Variants in PACSIN1 observed in about 807,000 individuals in gnomAD.
PACSIN1 encodes the protein protein kinase C and casein kinase substrate in neurons 1, also known as protein kinase C and casein kinase substrate in neurons protein 1.
Under a neutral mutation model 59.5 loss-of-function variants are expected in PACSIN1, and 15 were observed. That is an observed-to-expected ratio of 0.25 (90% CI 0.17 to 0.39). The LOEUF (loss-of-function observed/expected upper bound fraction) is 0.39, where lower values mean the gene tolerates loss of function less well. Ranked by LOEUF, PACSIN1 falls within the 10% of genes least tolerant of loss-of-function variation. The pLI is 1.00. For synonymous variants in PACSIN1, 210 were observed against 220.6 expected, an observed-to-expected ratio of 0.95 and a Z score of 0.42; for missense variants, 420 against 580.2, an observed-to-expected ratio of 0.72 and a Z score of 2.84.
chr6:34,526,728 G>T (rs1057378748), intron 2 of PACSIN1, among the ~76,000 whole-genome samples: 2 of 152,172 alleles, frequency 1.3e-5, no homozygotes, highest in African/African-American at 4.8e-5. Flanking sequence ...GGGGTGGAGC[G>T]CCGGACACAG....
At chr6:34,467,806 C>CTT in intron 1 of PACSIN1, among the ~76,000 whole-genome samples, 1 of 152,144 alleles carries the variant, frequency 6.6e-6, no homozygotes, top group African/African-American at 2.4e-5. Flanking sequence ...GATCTGCCCA[C>CTT]CTTGGCCTCT....
intron 1 of PACSIN1, among the ~76,000 whole-genome samples, chr6:34,502,798 T>G (rs1442763083): frequency 6.6e-6 from 1 of 152,144 alleles, no homozygotes; most frequent in Non-Finnish European, 1.5e-5. Flanking sequence ...TAGCCCCAGC[T>G]GAGGGCATGT....
chr6:34,467,412 T>C (rs7755620), intron 1 of PACSIN1, among the ~76,000 whole-genome samples: 45,023 of 151,970 alleles, frequency 0.3, 7,651 homozygotes, highest in African/African-American at 0.47. Flanking sequence ...GCATGACTTA[T>C]TGAATGAGTG....
At chr6:34,509,210 C>T (rs1420731171) in intron 1 of PACSIN1, among the ~76,000 whole-genome samples, 2 of 152,158 alleles carry the variant, frequency 1.3e-5, no homozygotes, top group Non-Finnish European at 2.9e-5. Flanking sequence ...GATAATGATT[C>T]AAATTCATTC....
intron 1 of PACSIN1, among the ~76,000 whole-genome samples, chr6:34,466,796 C>T (rs567035373): frequency 2.6e-5 from 4 of 152,230 alleles, no homozygotes; most frequent in South Asian, 2.1e-4. Flanking sequence ...AAGAAGGAGG[C>T]GATAATGCTA....
chr6:34,475,672 G>A (rs1300103962), intron 1 of PACSIN1, among the ~76,000 whole-genome samples: 1 of 152,188 alleles, frequency 6.6e-6, no homozygotes, highest in Non-Finnish European at 1.5e-5. Flanking sequence ...CAGGGGAAGG[G>A]GGCAGCTGTG....
intron 1 of PACSIN1, among the ~76,000 whole-genome samples, chr6:34,486,175 G>T (rs1766791015): frequency 1.3e-5 from 2 of 152,024 alleles, no homozygotes; most frequent in Admixed American, 6.5e-5. Flanking sequence ...AGGGACAGGG[G>T]GCCTGGGAAC....
At chr6:34,517,485 G>C (rs1304505520) in intron 1 of PACSIN1, among the ~76,000 whole-genome samples, 1 of 151,420 alleles carries the variant, frequency 6.6e-6, no homozygotes, top group Non-Finnish European at 1.5e-5. Flanking sequence ...GCCCTCCCCA[G>C]TTCCCTCCCC....
At chr6:34,527,184 G>A in intron 2 of PACSIN1, 148 bp from the exon 3 acceptor site, 2 of 831,150 alleles carry the variant, frequency 2.4e-6, no homozygotes, top group South Asian at 5.0e-5. Flanking sequence ...TGCGCCGCGG[G>A]GCGGGGGGCG....
intron 1 of PACSIN1, among the ~76,000 whole-genome samples, chr6:34,490,822 G>A (rs1445395405): frequency 6.6e-6 from 1 of 152,080 alleles, no homozygotes. Flanking sequence ...TGCCTGACAC[G>A]GCAGCCCTGG....
At chr6:34,475,138 G>A (rs1307066894) in intron 1 of PACSIN1, among the ~76,000 whole-genome samples, 1 of 152,010 alleles carries the variant, frequency 6.6e-6, no homozygotes, top group Admixed American at 6.6e-5. Context: ...TGCTCTTGTT[G>A]GTTTCTTGTC....
At position 34,506,898 on chromosome 6, in the gene PACSIN1, T is replaced by C. The variant is rs191862418; in HGVS notation, c.-63-19345T>C. 2.0e-5 allele frequency among the ~76,000 whole-genome samples: 3 copies of C among 152,296 alleles called. No individual in the cohort carries two copies. The East Asian group carries it at 5.8e-4, about 29-fold the overall frequency. On this transcript the variant is annotated intron_variant, in intron 1 of 9. Transcript: ENST00000244458. ...TGGAAGTCCTGGCTCTCCCTCATTC[T>C]TCACTGTTGTCACCCTGGCGGTGGG...
intron 1 of PACSIN1, among the ~76,000 whole-genome samples, chr6:34,466,517 G>A (rs1201375581): frequency 6.6e-6 from 1 of 152,164 alleles, no homozygotes; most frequent in African/African-American, 2.4e-5. Flanking sequence ...GAGCGAGCTG[G>A]CATCGGAGGC....
intron 1 of PACSIN1, among the ~76,000 whole-genome samples, chr6:34,520,979 T>G (rs926256516): frequency 1.2e-4 from 19 of 152,324 alleles, no homozygotes; most frequent in African/African-American, 4.6e-4. Context: ...AATTCATCAT[T>G]TCTGCTGTTT....
chr6:34,504,921 T>G (rs2127260417), intron 1 of PACSIN1, among the ~76,000 whole-genome samples: 1 of 152,202 alleles, frequency 6.6e-6, no homozygotes, highest in Non-Finnish European at 1.5e-5. Flanking sequence ...TTTTGCCACT[T>G]CTTTCTGGCT....
chr6:34,529,477 G>A lies in PACSIN1; in HGVS notation c.537G>A (p.Thr179=), dbSNP rs751875832. 9.3e-6 allele frequency: 15 copies of A among 1,614,054 alleles called. No homozygotes were observed. The highest frequency in any genetic ancestry group is 2.7e-5 in the African/African-American group (2 of 74,926). ...LAMTREMNSK[T]EQSVTPEQQK... is the part of the protein sequence containing the mutation. ...TGACACGGGAGATGAACAGCAAGAC[G>A]GAGCAATCGGTCACACCTGAGCAGC... Residue 179 remains threonine (T), a synonymous_variant, in exon 5 of 10, where the codon ACG becomes ACA. Coordinates refer to ENST00000244458, the MANE Select transcript of PACSIN1 (RefSeq NM_020804.5). The surrounding 1 kb of genome is among the most constrained non-coding windows in gnomAD (Gnocchi z 6.3).
In PACSIN1 at chr6:34,515,967, G is replaced by A. The variant is rs896471039; in HGVS notation, c.-63-10276G>A. On this transcript the variant is annotated intron_variant, in intron 1 of 9. Coordinates refer to ENST00000244458, the MANE Select transcript of PACSIN1 (RefSeq NM_020804.5). The surrounding 1 kb of genome is among the most constrained non-coding windows in gnomAD (Gnocchi z 4.4). The stretch of plus-strand genomic sequence containing the variant: ...CTGGGCAGGGAGGGGGCTGGAGGGG[G>A]CCCACAGGAGTTCACGGTGGGGCAC... Among the ~76,000 whole-genome samples the A allele has an allele frequency of 6.6e-6, 1 of 152,134 alleles. No individual in the cohort carries two copies. Among genetic ancestry groups the A allele is most frequent in the African/African-American group, 2.4e-5 (1 of 41,418 alleles).
At chr6:34,471,602 T>G (rs1766571567) in intron 1 of PACSIN1, among the ~76,000 whole-genome samples, 1 of 152,120 alleles carries the variant, frequency 6.6e-6, no homozygotes, top group East Asian at 1.9e-4. Context: ...ATTTGAGAAA[T>G]AAAAGTCCTC....
chr6:34,531,659 G>C lies in PACSIN1; in HGVS notation c.1097G>C (p.Gly366Ala). 1 of 1,614,038 alleles carries C rather than the reference G, an allele frequency of 6.2e-7. No individual in the cohort carries two copies. The highest frequency in any genetic ancestry group is 8.5e-7 in the Non-Finnish European group (1 of 1,180,024). The change falls in exon 9 of 10, where the codon GGG becomes GCG. Residue 366 changes from glycine (G) to alanine (A), a missense_variant. By Grantham distance (60) the Gly-to-Ala change is moderately conservative. Coordinates refer to ENST00000244458, the MANE Select transcript of PACSIN1 (RefSeq NM_020804.5). The surrounding 1 kb of genome is among the most constrained non-coding windows in gnomAD (Gnocchi z 4.4). The stretch of plus-strand genomic sequence containing the variant: ...ACCGAGTGGTCAGACGACGAGAGTG[G>C]GAACCCCTTTGGGGGCAGTGAGACC... ...YATEWSDDESGNPFGGSETNG... is the reference protein window; with the variant it reads ...YATEWSDDESANPFGGSETNG...
Sources: allele counts gnomAD v4.1 joint callset (sites outside exome capture counted in the v4.1 genomes callset), GRCh38; gene constraint gnomAD v4.1.1; non-coding constraint Gnocchi (gnomAD v3.1); transcripts MANE v1.5; gene names NCBI Gene and HGNC (gene_info 2026-07-23, HGNC 2026-07-21).